Variants in PDE10A observed in about 807,000 individuals in gnomAD.
PDE10A encodes phosphodiesterase 10A.
PDE10A carries 39 observed loss-of-function variants against 97.7 expected under a neutral mutation model. That is an observed-to-expected ratio of 0.40 (90% CI 0.31 to 0.52). The LOEUF is 0.52. Ranked by LOEUF, PDE10A falls within the 20% of genes least tolerant of loss-of-function variation. The pLI is 0.56. For synonymous variants in PDE10A, 371 were observed against 376.8 expected, an observed-to-expected ratio of 0.98 and a Z score of 0.18; for missense variants, 731 against 1,047.8, an observed-to-expected ratio of 0.70 and a Z score of 4.17.
At chr6:165,950,247 A>C (rs1783911249) in intron 1 of PDE10A, among the ~76,000 whole-genome samples, 1 of 152,244 alleles carries the variant, frequency 6.6e-6, no homozygotes, top group African/African-American at 2.4e-5. Flanking sequence ...TTATCCTTCC[A>C]GCATACACAA....
intron 16 of PDE10A, among the ~76,000 whole-genome samples, chr6:165,391,761 C>T (rs974104219): frequency 6.6e-6 from 1 of 152,108 alleles, no homozygotes; most frequent in Admixed American, 6.5e-5. Flanking sequence ...GAGTTTTCCA[C>T]TCAGATTGTG....
rs142692590 is a variant in PDE10A at position 165,829,580 on chromosome 6, A to C, written c.-615+157949T>G. Among the ~76,000 whole-genome samples, 411 of 152,344 alleles carry C rather than the reference A, an allele frequency of 2.7e-3. 1 individual carries two copies. The highest frequency in any genetic ancestry group is 9.3e-3 in the African/African-American group (385 of 41,584). On this transcript the variant is annotated intron_variant, in intron 1 of 19. Coordinates refer to the PDE10A transcript ENST00000366882. ...AGGTGAAATGTGGTGCCTAAAGTGC[A>C]GCATGCCACAGCCAGCACCCAGCAC...
intron 1 of PDE10A, among the ~76,000 whole-genome samples, chr6:165,811,370 G>A (rs989803329): frequency 6.6e-6 from 1 of 152,156 alleles, no homozygotes; most frequent in Non-Finnish European, 1.5e-5. Context: ...CCTCATGCAG[G>A]CCACGCTAGC....
chr6:165,633,809 G>T lies in PDE10A; in HGVS notation c.865+28138C>A, dbSNP rs552173748. Among the ~76,000 whole-genome samples, 393 of 134,668 alleles carry T rather than the reference G, an allele frequency of 2.9e-3. 2 individuals carry two copies. Among genetic ancestry groups the T allele is most frequent in the South Asian group, 0.014 (63 of 4,346 alleles). The allele number at this position is 134,668 out of a possible 152,430, so 88.3% of individuals were successfully genotyped here. A position where few individuals can be genotyped will look rare whatever the true frequency, so the allele number is the denominator to read the frequency against. On this transcript the variant is annotated intron_variant, in intron 1 of 21. Transcript: ENST00000539869. ...CGCCGGGCTAATTTTTTTTTTTTTCGTATTTTTATAGAGATGAGGTTTCAC... is the reference window on the plus strand; with the variant it reads ...CGCCGGGCTAATTTTTTTTTTTTTCTTATTTTTATAGAGATGAGGTTTCAC...
At chr6:165,807,489 G>T (rs1157693559) in intron 1 of PDE10A, among the ~76,000 whole-genome samples, 2 of 152,272 alleles carry the variant, frequency 1.3e-5, no homozygotes, top group African/African-American at 4.8e-5. Context: ...AAAGCAGTGA[G>T]GACAGCAGGT....
At chr6:165,952,838 C>A (rs1281573121) in intron 1 of PDE10A, among the ~76,000 whole-genome samples, 2 of 135,558 alleles carry the variant, frequency 1.5e-5, no homozygotes, top group African/African-American at 5.5e-5. Context: ...TCTCCTCAGC[C>A]ACTTATTATT....
chr6:165,385,803 T>C (rs1310048299), intron 17 of PDE10A, among the ~76,000 whole-genome samples: 1 of 152,194 alleles, frequency 6.6e-6, no homozygotes, highest in Non-Finnish European at 1.5e-5. Flanking sequence ...ATATTATTTC[T>C]CTCTGGGCGT....
intron 10 of PDE10A, among the ~76,000 whole-genome samples, chr6:165,421,824 G>A (rs1481523923): frequency 1.3e-5 from 2 of 152,220 alleles, no homozygotes; most frequent in Non-Finnish European, 2.9e-5. Context: ...CACCTTGGGA[G>A]GCCAAGCCCC....
intron 18 of PDE10A, among the ~76,000 whole-genome samples, chr6:165,375,260 A>T (rs1204499195): frequency 2.0e-5 from 3 of 152,348 alleles, no homozygotes; most frequent in Non-Finnish European, 4.4e-5. Flanking sequence ...CTCTTGGGCC[A>T]AACAGCCAAG....
intron 1 of PDE10A, among the ~76,000 whole-genome samples, chr6:165,673,839 T>G (rs1274664536): frequency 1.3e-5 from 2 of 152,240 alleles, no homozygotes; most frequent in African/African-American, 2.4e-5. Context: ...ATTTCAGTTT[T>G]AATATTCTCT....
intron 1 of PDE10A, among the ~76,000 whole-genome samples, chr6:165,685,169 T>C (rs1162610132): frequency 6.6e-6 from 1 of 152,184 alleles, no homozygotes; most frequent in African/African-American, 2.4e-5. Context: ...TTTAATTTTA[T>C]GAATACCTGA....
intron 1 of PDE10A, among the ~76,000 whole-genome samples, chr6:165,549,982 G>C (rs1353116800): frequency 6.6e-6 from 1 of 152,084 alleles, no homozygotes; most frequent in Non-Finnish European, 1.5e-5. Flanking sequence ...TCCCAATTTT[G>C]TGTCTGTATT....
At chr6:165,951,504 G>T (rs1783959319) in intron 1 of PDE10A, among the ~76,000 whole-genome samples, 1 of 151,900 alleles carries the variant, frequency 6.6e-6, no homozygotes, top group Non-Finnish European at 1.5e-5. Flanking sequence ...ACCGTCAATT[G>T]CCCCTCCCAC....
intron 1 of PDE10A, among the ~76,000 whole-genome samples, chr6:165,653,148 G>A (rs920593385): frequency 2.0e-5 from 3 of 152,078 alleles, no homozygotes; most frequent in African/African-American, 7.2e-5. Context: ...TTTCCCTTTA[G>A]GAAAATTAAT....
chr6:165,946,958 C>G (rs1306977516), intron 1 of PDE10A: 1 of 151,966 alleles, frequency 6.6e-6, no homozygotes, highest in African/African-American at 2.4e-5. Flanking sequence ...AATGAATCTT[C>G]ATCTTATATA....
At chr6:165,520,822 G>A (rs1407454660) in intron 2 of PDE10A, among the ~76,000 whole-genome samples, 2 of 152,074 alleles carry the variant, frequency 1.3e-5, no homozygotes, top group African/African-American at 2.4e-5. Context: ...TGGGTGGACT[G>A]GACAATTACA....
At chr6:165,377,438 T>C (rs1035341048) in intron 18 of PDE10A, among the ~76,000 whole-genome samples, 1 of 152,192 alleles carries the variant, frequency 6.6e-6, no homozygotes, top group Non-Finnish European at 1.5e-5. Context: ...CATGTTTCAA[T>C]GCATATTTGT....
rs370865492 is a variant in PDE10A, at chr6:165,567,993, C to CCTTTTTTTT, written c.866-24426_866-24425insAAAAAAAAG. Among the ~76,000 whole-genome samples the CCTTTTTTTT allele has an allele frequency of 1.6e-4, 19 of 115,616 alleles. 4 individuals are homozygous for CCTTTTTTTT. The highest frequency in any genetic ancestry group is 3.0e-4 in the East Asian group (1 of 3,294). 75.8% of individuals were successfully genotyped at this position (115,616 alleles called of 152,430 possible). On this transcript the variant is annotated intron_variant, in intron 1 of 21. Coordinates refer to ENST00000539869, the MANE Select transcript of PDE10A (RefSeq NM_001385079.1). ...AGCACACAATAGGTACGCAACAAGG[C>CCTTTTTTTT]ATTTTTTTTTTTTTTTTTTTTTTGA...
intron 1 of PDE10A, among the ~76,000 whole-genome samples, chr6:165,798,333 G>C (rs1294099730): frequency 2.0e-5 from 3 of 152,110 alleles, no homozygotes; most frequent in Non-Finnish European, 4.4e-5. Flanking sequence ...GAGGCATTAC[G>C]GGGAGAAAGG....
Sources: allele counts gnomAD v4.1 joint callset (sites outside exome capture counted in the v4.1 genomes callset), GRCh38; gene constraint gnomAD v4.1.1; transcripts MANE v1.5; gene names NCBI Gene and HGNC (gene_info 2026-07-23, HGNC 2026-07-21).